Variants in SPATS2 observed in about 807,000 individuals in gnomAD.
SPATS2 encodes the protein spermatogenesis associated serine rich 2.
In SPATS2, 38 loss-of-function variants were observed where a neutral mutation model predicts 63.7. The observed-to-expected ratio is 0.60, with a 90% CI of 0.46 to 0.78. The LOEUF (loss-of-function observed/expected upper bound fraction) is 0.78, where lower values mean the gene tolerates loss of function less well. SPATS2 is among the 30% of genes least tolerant of loss of function. SPATS2 has a pLI of 0.00. For missense variants in SPATS2, 588 were observed against 666.2 expected, an observed-to-expected ratio of 0.88 and a Z score of 1.29; for synonymous variants, 207 against 232.9, an observed-to-expected ratio of 0.89 and a Z score of 1.01.
intron 2 of SPATS2, among the ~76,000 whole-genome samples, chr12:49,385,572 C>T (rs1944300167): frequency 6.6e-6 from 1 of 152,044 alleles, no homozygotes; most frequent in Non-Finnish European, 1.5e-5. Flanking sequence ...TGAAGCCCAC[C>T]CATCAAGTAG....
intron 4 of SPATS2, among the ~76,000 whole-genome samples, chr12:49,485,396 C>CT (rs1283293515): frequency 6.6e-6 from 1 of 152,086 alleles, no homozygotes; most frequent in Non-Finnish European, 1.5e-5. Context: ...GAGTCTCACT[C>CT]TGTCACCCAG....
At position 49,524,776 on chromosome 12, in the gene SPATS2, C is replaced by T; in HGVS notation, c.1206C>T (p.Ser402=). Residue 402 remains serine (S), a synonymous_variant, in exon 13 of 14, where the codon TCC becomes TCT. Transcript: ENST00000552918. ...LSSPSDASAA[S]SSTCASPPSL... ...GCCCAAGTGATGCCTCTGCTGCTTC[C>T]TCTTCCACCTGTGCCTCTCCTCCCA... is the stretch of plus-strand genomic sequence containing the variant. 1 of 1,614,182 alleles carries T rather than the reference C, an allele frequency of 6.2e-7. No individual in the cohort carries two copies. Among genetic ancestry groups the T allele is most frequent in the South Asian group, 1.1e-5 (1 of 91,088 alleles).
At position 49,460,915 on chromosome 12, in the gene SPATS2, C is replaced by A; in HGVS notation, c.-98C>A. ...ATTTTTTGCTTCCAACTGCACACTT[C>A]CGTTGCCCACTTTTAAATCAGAGAT... On this transcript the variant is annotated 5_prime_UTR_variant, in exon 3 of 14. Transcript: ENST00000552918. The A allele has an allele frequency of 7.0e-7, 1 of 1,427,824 alleles. No individual in the cohort carries two copies. Among genetic ancestry groups the A allele is most frequent in the Non-Finnish European group, 9.7e-7 (1 of 1,025,988 alleles). The allele number at this position is 1,427,824 out of a possible 1,614,324, so 88.4% of individuals were successfully genotyped here. A position where few individuals can be genotyped will look rare whatever the true frequency, so the allele number is the denominator to read the frequency against.
At chr12:49,449,937 ATTCT>A (rs796579029) in intron 2 of SPATS2, among the ~76,000 whole-genome samples, 9 of 152,186 alleles carry the variant, frequency 5.9e-5, no homozygotes, top group South Asian at 4.2e-4. Context: ...TGAACTCTTT[ATTCT>A]TTCTGTCAAT....
At chr12:49,377,938 A>C (rs1259549118) in intron 2 of SPATS2, among the ~76,000 whole-genome samples, 3 of 152,098 alleles carry the variant, frequency 2.0e-5, no homozygotes, top group Admixed American at 6.6e-5. Context: ...TAATCCTACT[A>C]TAGAGTTGTC....
intron 2 of SPATS2, among the ~76,000 whole-genome samples, chr12:49,402,928 T>C (rs1944631406): frequency 1.3e-5 from 2 of 152,152 alleles, no homozygotes; most frequent in South Asian, 4.1e-4. Context: ...AGATTTCGTT[T>C]GGAGCAAAAG....
chr12:49,407,197 C>T (rs1042808731), intron 2 of SPATS2, among the ~76,000 whole-genome samples: 1 of 152,130 alleles, frequency 6.6e-6, no homozygotes, highest in Admixed American at 6.6e-5. Flanking sequence ...AACTGCTGTC[C>T]TCTCTTTCCT....
intron 3 of SPATS2, among the ~76,000 whole-genome samples, chr12:49,464,969 A>G (rs577798074): frequency 2.6e-5 from 4 of 152,202 alleles, no homozygotes; most frequent in African/African-American, 9.7e-5. Flanking sequence ...TCATATACAC[A>G]TATTAGTACA....
chr12:49,489,644 A>G, intron 5 of SPATS2, 71 bp downstream of exon 5: 1 of 1,309,406 alleles, frequency 7.6e-7, no homozygotes, highest in Non-Finnish European at 1.1e-6. Context: ...CTTTTATAAC[A>G]TTCAGCAATC....
chr12:49,465,112 C>T (rs1945889578), intron 3 of SPATS2, among the ~76,000 whole-genome samples: 1 of 152,184 alleles, frequency 6.6e-6, no homozygotes, highest in South Asian at 2.1e-4. Context: ...ATCCATTTAA[C>T]AGTTGCTATT....
chr12:49,462,651 T>C (rs1361299518), intron 3 of SPATS2: 1 of 584,792 alleles, frequency 1.7e-6, no homozygotes, highest in Non-Finnish European at 3.0e-6. Flanking sequence ...TGCGGGAGAT[T>C]TTATTGCTGA....
At chr12:49,467,728 T>C (rs1432406257) in intron 3 of SPATS2, among the ~76,000 whole-genome samples, 1 of 152,116 alleles carries the variant, frequency 6.6e-6, no homozygotes, top group Non-Finnish European at 1.5e-5. Flanking sequence ...AGACGGAGTC[T>C]CGCTCTGTCG....
At chr12:49,390,688 A>G (rs1303700907) in intron 2 of SPATS2, among the ~76,000 whole-genome samples, 2 of 152,194 alleles carry the variant, frequency 1.3e-5, no homozygotes, top group African/African-American at 2.4e-5. Flanking sequence ...TTTAAAGGCT[A>G]TAGGAATGTG....
chr12:49,460,238 G>A lies in SPATS2; in HGVS notation c.-243-532G>A, dbSNP rs149744312. Among the ~76,000 whole-genome samples, 317 of 152,292 alleles carry A rather than the reference G, an allele frequency of 2.1e-3. 6 individuals carry two copies. The highest frequency in any genetic ancestry group is 0.015 in the East Asian group (79 of 5,176). The stretch of plus-strand genomic sequence containing the variant: ...TGGGAGGCCAAAGCAGGCGGATCAC[G>A]AGGTAAAGAGATAGAGACTATCCTG... On this transcript the variant is annotated intron_variant, in intron 2 of 13. Transcript: ENST00000552918.
intron 2 of SPATS2, among the ~76,000 whole-genome samples, chr12:49,410,296 G>A (rs1944775155): frequency 6.6e-6 from 1 of 151,962 alleles, no homozygotes; most frequent in Non-Finnish European, 1.5e-5. Flanking sequence ...TGCTGGTCTC[G>A]AACTCCTGAC....
intron 2 of SPATS2, among the ~76,000 whole-genome samples, chr12:49,392,746 A>G (rs1180365668): frequency 6.6e-6 from 1 of 151,938 alleles, no homozygotes; most frequent in African/African-American, 2.4e-5. Context: ...AAATATTTCA[A>G]ATCCACAGAT....
At chr12:49,374,958 CAAAAA>C (rs10687716) in intron 2 of SPATS2, among the ~76,000 whole-genome samples, 9 of 24,738 alleles carry the variant, frequency 3.6e-4, no homozygotes, top group Non-Finnish European at 5.8e-4. Flanking sequence ...GGATCTGTCT[CAAAAA>C]AAAAAAAAAA....
At chr12:49,516,367 A>T (rs1946850692) in intron 10 of SPATS2, among the ~76,000 whole-genome samples, 1 of 75,806 alleles carries the variant, frequency 1.3e-5, no homozygotes, top group African/African-American at 2.4e-4. Flanking sequence ...CTTGAAATTA[A>T]AAAAAAAGAA....
At position 49,503,445 on chromosome 12, in the gene SPATS2, G is replaced by C. The variant is rs1037713320; in HGVS notation, c.839+3240G>C. Among the ~76,000 whole-genome samples, 4 of 150,866 alleles carry C rather than the reference G, an allele frequency of 2.7e-5. No individual in the cohort carries two copies. The Admixed American group carries it at 2.7e-4, about 10-fold the overall frequency. ...CGGGTGGATCACGAGGTCAGGAGAT[G>C]GAGACCATCCTGGCTAACAAGGTGA... On this transcript the variant is annotated intron_variant, in intron 9 of 13. Transcript: ENST00000552918.
Sources: allele counts gnomAD v4.1 joint callset (sites outside exome capture counted in the v4.1 genomes callset), GRCh38; gene constraint gnomAD v4.1.1; transcripts MANE v1.5; gene names NCBI Gene and HGNC (gene_info 2026-07-23, HGNC 2026-07-21).